Variants in OR4M1 observed in about 807,000 individuals in gnomAD.
The protein encoded by OR4M1 is olfactory receptor family 4 subfamily M member 1, also known as olfactory receptor 4M1.
OR4M1 carries 7 observed loss-of-function variants against 9.8 expected under a neutral mutation model. The ratio of observed to expected loss-of-function variants is 0.71; its 90% CI spans 0.41 to 1.34. The LOEUF is 1.34. Ranked by LOEUF, OR4M1 falls within the 40% of genes most tolerant of loss-of-function variation. The probability of loss-of-function intolerance (pLI) is 0.01; values close to 1 mark genes in which losing one functional copy is unlikely to be tolerated. For synonymous variants in OR4M1, 121 were observed against 139.8 expected (o/e 0.87, Z 0.95); for missense variants, 331 against 380.4 (o/e 0.87, Z 1.08).
At chr14:19,779,864 C>A (rs1163653266) in intron 1 of OR4M1, among the ~76,000 whole-genome samples, 6 of 152,214 alleles carry the variant, frequency 3.9e-5, no homozygotes, top group Non-Finnish European at 8.8e-5. Flanking sequence ...TATTAGAATG[C>A]AAGCCTAAGT....
chr14:19,780,361 T>C lies in OR4M1; in HGVS notation c.39T>C (p.Val13=), dbSNP rs1182424596. Residue 13 remains valine, a synonymous_variant, in exon 2 of 2, where the codon GTT becomes GTC. Transcript: ENST00000641200. ...TANYTKVTEF[V]LTGLSQTREV... ...ATTACACCAAGGTGACAGAATTTGT[T>C]CTCACTGGCCTATCCCAGACTCGGG... 1.2e-6 allele frequency: 2 copies of C among 1,613,532 alleles called. No individual in the cohort carries two copies. The highest frequency in any genetic ancestry group is 1.7e-5 in the Admixed American group (1 of 59,928).
chr14:19,777,389 T>C (rs1878346282), intron 1 of OR4M1, among the ~76,000 whole-genome samples: 1 of 152,006 alleles, frequency 6.6e-6, no homozygotes, highest in East Asian at 1.9e-4. Flanking sequence ...CTCAGAACCT[T>C]TTCTAAAATA....
At chr14:19,777,883 G>GTT (rs561863043) in intron 1 of OR4M1, among the ~76,000 whole-genome samples, 1 of 149,764 alleles carries the variant, frequency 6.7e-6, no homozygotes, top group African/African-American at 2.4e-5. Context: ...GTAGTGGTAT[G>GTT]TGTGTGTGTG....
At position 19,783,048 on chromosome 14, in the gene OR4M1, C is replaced by T. The variant is rs1301638083; in HGVS notation, c.*1784C>T. 6.6e-6 allele frequency: 1 copy of T among 152,190 alleles called. No homozygotes were observed. The highest frequency in any genetic ancestry group is 6.5e-5 in the Admixed American group (1 of 15,274). The allele number at this position is 152,190 out of a possible 1,614,324, so 9.4% of individuals were successfully genotyped here. A position where few individuals can be genotyped will look rare whatever the true frequency, so the allele number is the denominator to read the frequency against. On this transcript the variant is annotated 3_prime_UTR_variant, in exon 2 of 2. Transcript: ENST00000641200. Reference sequence around the variant, plus strand: ...GCTCTTCAAACACCAGCACACTGTACTACAGAAGGATATTTACTGAAAATA... The same window carrying T: ...GCTCTTCAAACACCAGCACACTGTATTACAGAAGGATATTTACTGAAAATA...
In OR4M1 at chr14:19,781,088, T is replaced by C; in HGVS notation, c.766T>C (p.Ser256Pro). 5 of 1,614,196 alleles carry C rather than the reference T, an allele frequency of 3.1e-6. No homozygotes were observed. The East Asian group carries it at 8.9e-5, about 29-fold the overall frequency. Residue 256 changes from serine to proline, a missense_variant, in exon 2 of 2, where the codon TCC becomes CCC. Coordinates refer to ENST00000641200, the MANE Select transcript of OR4M1 (RefSeq NM_001005500.2). ...ITIVVLMFGP[S>P]IYIYARPFDS... is the part of the protein sequence containing the mutation. ...CATTGTGGTGCTAATGTTTGGGCCA[T>C]CCATCTACATTTATGCTCGCCCATT...
intron 1 of OR4M1, among the ~76,000 whole-genome samples, chr14:19,776,006 G>A (rs372054893): frequency 2.6e-5 from 4 of 152,130 alleles, no homozygotes; most frequent in African/African-American, 9.6e-5. Flanking sequence ...GACACTCGAG[G>A]TCCCTGGGTT....
rs1239798154 is a variant in OR4M1, at chr14:19,781,895, A to G, written c.*631A>G. The G allele has an allele frequency of 6.5e-6, 1 of 152,676 alleles. No individual in the cohort carries two copies. Among genetic ancestry groups the G allele is most frequent in the Non-Finnish European group, 1.5e-5 (1 of 68,390 alleles). 9.5% of individuals were successfully genotyped at this position (152,676 alleles called of 1,614,324 possible). ...AAATTTTATCACATTATGAAAACAA[A>G]TTTTATGAATTCAAAGCAGAGTATA... On this transcript the variant is annotated 3_prime_UTR_variant, in exon 2 of 2. Coordinates refer to ENST00000641200, the MANE Select transcript of OR4M1 (RefSeq NM_001005500.2).
intron 1 of OR4M1, among the ~76,000 whole-genome samples, chr14:19,779,802 G>T (rs1878413207): frequency 6.6e-6 from 1 of 152,200 alleles, no homozygotes; most frequent in Non-Finnish European, 1.5e-5. Flanking sequence ...ATGAAGCCTT[G>T]GGATCTCTTT....
chr14:19,775,810 T>G (rs2138427464), intron 1 of OR4M1, among the ~76,000 whole-genome samples: 1 of 144,824 alleles, frequency 6.9e-6, no homozygotes, highest in African/African-American at 2.5e-5. Flanking sequence ...TATAATATAA[T>G]AATAATAATA....
At chr14:19,775,012 C>T (rs1170990817) in intron 1 of OR4M1, among the ~76,000 whole-genome samples, 4 of 152,212 alleles carry the variant, frequency 2.6e-5, no homozygotes, top group South Asian at 2.1e-4. Flanking sequence ...ACAAGATGGG[C>T]GGTCAGAGGT....
intron 1 of OR4M1, among the ~76,000 whole-genome samples, chr14:19,775,193 A>G (rs1878272895): frequency 6.6e-6 from 1 of 152,232 alleles, no homozygotes; most frequent in Non-Finnish European, 1.5e-5. Flanking sequence ...GCTTCCTGAT[A>G]AGAGACCAAC....
chr14:19,777,921 T>C (rs532862506), intron 1 of OR4M1, among the ~76,000 whole-genome samples: 2 of 152,138 alleles, frequency 1.3e-5, no homozygotes, highest in African/African-American at 2.4e-5. Flanking sequence ...GGCTGAGCAT[T>C]ACTAGCTTTG....
Position 19,780,994 on chromosome 14 carries a change from G to A in OR4M1, c.672G>A (p.Leu224=). 6.2e-7 allele frequency: 1 copy of A among 1,614,192 alleles called. No homozygotes were observed. Among genetic ancestry groups the A allele is most frequent in the Non-Finnish European group, 8.5e-7 (1 of 1,180,026 alleles). Residue 224 remains leucine (L), a synonymous_variant, in exon 2 of 2, where the codon TTG becomes TTA. Coordinates refer to ENST00000641200, the MANE Select transcript of OR4M1 (RefSeq NM_001005500.2). ...LLMSYAFLLA[L]LKKHSGSGEN... ...TGTCCTATGCCTTCCTTCTGGCCTT[G>A]CTCAAGAAACATTCAGGCTCAGGTG...
intron 1 of OR4M1, among the ~76,000 whole-genome samples, chr14:19,778,946 T>C (rs1285674538): frequency 6.6e-6 from 1 of 152,218 alleles, no homozygotes; most frequent in Non-Finnish European, 1.5e-5. Context: ...TTCTAAATAG[T>C]CCCACATTAC....
At chr14:19,778,000 C>G (rs1878362139) in intron 1 of OR4M1, among the ~76,000 whole-genome samples, 1 of 152,128 alleles carries the variant, frequency 6.6e-6, no homozygotes, top group South Asian at 2.1e-4. Flanking sequence ...TTCTTTTCCA[C>G]TTGACACTTG....
chr14:19,778,913 G>A (rs1404156132), intron 1 of OR4M1, among the ~76,000 whole-genome samples: 1 of 152,176 alleles, frequency 6.6e-6, no homozygotes, highest in Non-Finnish European at 1.5e-5. Context: ...GGCAATTTAT[G>A]GACATGGGGA....
chr14:19,780,172 G>A (rs1878425411), intron 1 of OR4M1, 122 bp from the exon 2 acceptor site: 2 of 870,936 alleles, frequency 2.3e-6, no homozygotes, highest in East Asian at 2.7e-5. Flanking sequence ...TATAAAATGG[G>A]CAACCAAATG....
rs1475198054 is a variant in OR4M1 at position 19,782,055 on chromosome 14, T to C, written c.*791T>C. 1.3e-5 allele frequency: 2 copies of C among 152,320 alleles called. No individual in the cohort carries two copies. The highest frequency in any genetic ancestry group is 2.9e-5 in the Non-Finnish European group (2 of 68,088). 9.4% of individuals were successfully genotyped at this position (152,320 alleles called of 1,614,324 possible). A position where few individuals can be genotyped will look rare whatever the true frequency, so the allele number is the denominator to read the frequency against. Reference sequence around the variant, plus strand: ...GAGAAAGCTTCTAGGTTGACTGGAATTGGTAGACATCTAGCCGTGTAGTTT... The same window carrying C: ...GAGAAAGCTTCTAGGTTGACTGGAACTGGTAGACATCTAGCCGTGTAGTTT... On this transcript the variant is annotated 3_prime_UTR_variant, in exon 2 of 2. Transcript: ENST00000641200.
Position 19,780,303 on chromosome 14 carries a change from G to A in OR4M1, c.-20G>A, listed in dbSNP as rs1224721706. The A allele has an allele frequency of 6.3e-7, 1 of 1,586,156 alleles. No homozygotes were observed. The highest frequency in any genetic ancestry group is 8.6e-7 in the Non-Finnish European group (1 of 1,167,594). On this transcript the variant is annotated 5_prime_UTR_variant, in exon 2 of 2. The change abolishes an upstream ATG in the 5' untranslated region. Transcript: ENST00000641200. ...TCTTTAATTTTCATAGTTATATTAT[G>A]AAAAGAGTAAATTGAAGAAATGGAA...
Sources: gnomAD v4.1 joint callset for allele counts (sites outside exome capture counted in the v4.1 genomes callset) on GRCh38, gnomAD v4.1.1 for gene constraint, MANE v1.5 for transcripts, NCBI Gene and HGNC (gene_info 2026-07-23, HGNC 2026-07-21) for gene names.